The following C16orf86 variants were observed in gnomAD, a reference collection of about 807,000 sequenced individuals.
C16orf86 encodes the protein chromosome 16 open reading frame 86, also known as uncharacterized protein C16orf86.
In C16orf86, 19 loss-of-function variants were observed where a neutral mutation model predicts 21.5. The ratio of observed to expected loss-of-function variants is 0.88; its 90% CI spans 0.62 to 1.30. C16orf86 has a LOEUF of 1.30. Among genes scored for constraint, C16orf86 ranks in the 50% most tolerant of loss-of-function variants. The pLI is 0.00. For synonymous variants in C16orf86, 188 were observed against 183.5 expected, an observed-to-expected ratio of 1.02 and a Z score of -0.20; for missense variants, 391 against 415.8, an observed-to-expected ratio of 0.94 and a Z score of 0.52.
In C16orf86 at chr16:67,667,141, C is replaced by A; in HGVS notation, c.102+69C>A. Reference sequence around the variant, plus strand: ...CTCTGAGAGGTGGAACTGAGCGCCCCGACCCGCTAACTGCCAGGCTGGGCC... The same window carrying A: ...CTCTGAGAGGTGGAACTGAGCGCCCAGACCCGCTAACTGCCAGGCTGGGCC... On this transcript the variant is annotated intron_variant, in intron 1 of 3. Coordinates refer to ENST00000403458, the MANE Select transcript of C16orf86 (RefSeq NM_001012984.3). 6.2e-6 allele frequency: 9 copies of A among 1,441,698 alleles called. No homozygotes were observed. The South Asian group carries it at 9.1e-5, about 15-fold the overall frequency. 89.3% of individuals were successfully genotyped at this position (1,441,698 alleles called of 1,614,324 possible).
rs950771709 is a variant in C16orf86 at position 67,666,898 on chromosome 16, G to A, written c.-73G>A. 9.3e-7 allele frequency: 1 copy of A among 1,076,572 alleles called. No individual in the cohort carries two copies. The highest frequency in any genetic ancestry group is 1.7e-5 in the African/African-American group (1 of 60,148). The allele number at this position is 1,076,572 out of a possible 1,614,324, so 66.7% of individuals were successfully genotyped here. A position where few individuals can be genotyped will look rare whatever the true frequency, so the allele number is the denominator to read the frequency against. On this transcript the variant is annotated 5_prime_UTR_variant, in exon 1 of 4. Transcript: ENST00000403458. ...GCTTGCTGGCCGGTCTCCGGGGTCAGCGCGGGGCCACCATCCAGCCCCTTG... is the reference window on the plus strand; with the variant it reads ...GCTTGCTGGCCGGTCTCCGGGGTCAACGCGGGGCCACCATCCAGCCCCTTG...
chr16:67,667,652 C>A (rs1446715510), intron 2 of C16orf86, 127 bp downstream of exon 2: 2 of 1,542,306 alleles, frequency 1.3e-6, no homozygotes, highest in Non-Finnish European at 1.7e-6. Context: ...CACTCTCCTC[C>A]CGTTCCTCAA....
chr16:67,667,797 TG>T, intron 2 of C16orf86, 80 bp from the exon 3 acceptor site: 1 of 1,518,384 alleles, frequency 6.6e-7, no homozygotes, highest in Non-Finnish European at 8.8e-7. Context: ...CCTGGGGCTG[TG>T]GGCAGGCTGG....
At chr16:67,667,741 C>G (rs1407611182) in intron 2 of C16orf86, 137 bp from the exon 3 acceptor site, 3 of 1,516,600 alleles carry the variant, frequency 2.0e-6, no homozygotes, top group Admixed American at 2.1e-5. Flanking sequence ...CTCTAAGCCT[C>G]TTGGGCCTGG....
chr16:67,668,537 C>A lies in C16orf86; in HGVS notation c.891C>A (p.Ile297=). The A allele has an allele frequency of 6.2e-7, 1 of 1,613,498 alleles. No homozygotes were observed. The highest frequency in any genetic ancestry group is 8.5e-7 in the Non-Finnish European group (1 of 1,179,882). Reference sequence around the variant, plus strand: ...TGGATAAGTCAACCCAGGTGGACATCGACAAGATGCTGAGTGTCTGCACTG... The same window carrying A: ...TGGATAAGTCAACCCAGGTGGACATAGACAAGATGCTGAGTGTCTGCACTG... The part of the protein sequence containing the change: ...AEVDKSTQVD[I]DKMLSVCTAP... The change falls in exon 4 of 4, where the codon ATC becomes ATA. Residue 297 remains isoleucine, a synonymous_variant. Transcript: ENST00000403458.
At chr16:67,667,562 G>T (rs1195738209) in intron 2 of C16orf86, 37 bp downstream of exon 2, 1 of 1,567,144 alleles carries the variant, frequency 6.4e-7, no homozygotes, top group East Asian at 2.4e-5. Flanking sequence ...CTGCAGCCCC[G>T]GGGTTGGGGC....
At position 67,668,728 on chromosome 16, in the gene C16orf86, C is replaced by A; in HGVS notation, c.*128C>A. ...GCCCCCACTTGGGACTTTGGTCTTG[C>A]TGAAAATAAATATTTTTCTTTTTCA... On this transcript the variant is annotated 3_prime_UTR_variant, in exon 4 of 4. Coordinates refer to ENST00000403458, the MANE Select transcript of C16orf86 (RefSeq NM_001012984.3). The A allele has an allele frequency of 1.4e-6, 1 of 713,058 alleles. No homozygotes were observed. Among genetic ancestry groups the A allele is most frequent in the Non-Finnish European group, 2.3e-6 (1 of 427,046 alleles). The allele number at this position is 713,058 out of a possible 1,614,324, so 44.2% of individuals were successfully genotyped here.
In C16orf86 at chr16:67,668,620, G is replaced by A. The variant is rs1457758803; in HGVS notation, c.*20G>A. On this transcript the variant is annotated 3_prime_UTR_variant, in exon 4 of 4. Transcript: ENST00000403458. The stretch of plus-strand genomic sequence containing the variant: ...AAGTGACTGTCCCGCCCCACTGGTG[G>A]CTCCCCTCCTTCCACGCCTGAATTT... 3.1e-6 allele frequency: 5 copies of A among 1,611,016 alleles called. No homozygotes were observed. The highest frequency in any genetic ancestry group is 3.3e-4 in the Middle Eastern group (2 of 6,054).
rs2053118339 is a variant in C16orf86, at chr16:67,667,400, G to C, written c.207G>C (p.Gln69His). The change falls in exon 2 of 4, where the codon CAG (glutamine) becomes CAC (histidine). Residue 69 changes from glutamine to histidine, a missense_variant. Gln to His is a conservative substitution (Grantham distance 24, BLOSUM62 0). Coordinates refer to ENST00000403458, the MANE Select transcript of C16orf86 (RefSeq NM_001012984.3). Reference protein sequence around the residue: ...PAGAASESELQEEGPKLGEER... With the variant: ...PAGAASESELHEEGPKLGEER... ...GCGCAGCTTCGGAGTCGGAGCTCCA[G>C]GAGGAAGGACCCAAGCTGGGGGAGG... 6.2e-7 allele frequency: 1 copy of C among 1,612,630 alleles called. No individual in the cohort carries two copies. Among genetic ancestry groups the C allele is most frequent in the East Asian group, 2.2e-5 (1 of 44,878 alleles).
In C16orf86 at chr16:67,668,344, A is replaced by C. The variant is rs2053133226; in HGVS notation, c.698A>C (p.Gln233Pro). Reference sequence around the variant, plus strand: ...GTTCCCGAGGAGGGAGGTGTGGAGCAACTGCAGGCCTTGCTGCCCTTGGCA... The same window carrying C: ...GTTCCCGAGGAGGGAGGTGTGGAGCCACTGCAGGCCTTGCTGCCCTTGGCA... ...APVPEEGGVE[Q>P]LQALLPLAGE... Residue 233 changes from glutamine to proline, a missense_variant, in exon 4 of 4, where the codon CAA becomes CCA. By Grantham distance (76) the Gln-to-Pro change is moderately conservative (BLOSUM62 -1). Coordinates refer to ENST00000403458, the MANE Select transcript of C16orf86 (RefSeq NM_001012984.3). 1 of 1,612,728 alleles carries C rather than the reference A, an allele frequency of 6.2e-7. No homozygotes were observed.
Position 67,668,487 on chromosome 16 carries a change from G to T in C16orf86, c.841G>T (p.Gly281Trp), listed in dbSNP as rs1306468157. Reference sequence around the variant, plus strand: ...GGAGCCTGGGGGCTTGCCCAGCTTGGGGGTGAGTGACCACAAGGCCGAGGT... The same window carrying T: ...GGAGCCTGGGGGCTTGCCCAGCTTGTGGGTGAGTGACCACAAGGCCGAGGT... ...GEEPGGLPSLGVSDHKAEVDK... is the reference protein window; with the variant it reads ...GEEPGGLPSLWVSDHKAEVDK... The change falls in exon 4 of 4, where the codon GGG becomes TGG. Residue 281 changes from glycine to tryptophan, a missense_variant. Gly to Trp is a radical substitution (Grantham distance 184). Transcript: ENST00000403458. The T allele has an allele frequency of 6.2e-7, 1 of 1,613,198 alleles. No individual in the cohort carries two copies. Among genetic ancestry groups the T allele is most frequent in the Non-Finnish European group, 8.5e-7 (1 of 1,179,822 alleles).
Position 67,668,133 on chromosome 16 carries a change from CT to C in C16orf86, c.553+36del, listed in dbSNP as rs997201804. ...AGTCCCTGGACTGTTCCTTCTCCCC[CT>C]GCCTGTGGGGCCCGACATGGCACAA... is the stretch of plus-strand genomic sequence containing the variant. On this transcript the variant is annotated intron_variant, in intron 3 of 3. Transcript: ENST00000403458. 3 of 1,599,232 alleles carry C rather than the reference CT, an allele frequency of 1.9e-6. No individual in the cohort carries two copies. The African/African-American group carries it at 4.0e-5, about 21-fold the overall frequency.
In C16orf86 at chr16:67,667,322, G is replaced by A. The variant is rs115388552; in HGVS notation, c.129G>A (p.Leu43=). The change falls in exon 2 of 4, where the codon CTG becomes CTA. Residue 43 remains leucine, a synonymous_variant. Transcript: ENST00000403458. ...SECPVAGDQF[L]VPAHEARGTQ... is the part of the protein sequence containing the mutation. ...GTCCAGTGGCGGGAGACCAGTTCCT[G>A]GTGCCTGCCCATGAGGCCCGCGGAA... The A allele has an allele frequency of 4.8e-3, 7,738 of 1,612,130 alleles. 103 individuals are homozygous for A. Among genetic ancestry groups the A allele is most frequent in the African/African-American group, 0.039 (2,892 of 75,042 alleles).
chr16:67,667,640 A>T (rs1354654174), intron 2 of C16orf86, 115 bp downstream of exon 2: 1 of 1,543,960 alleles, frequency 6.5e-7, no homozygotes, highest in Non-Finnish European at 8.7e-7. Context: ...AGCCACTACC[A>T]TCACTCTCCT....
chr16:67,667,069 C>A lies in C16orf86; in HGVS notation c.99C>A (p.Ser33=), dbSNP rs568968127. Reference sequence around the variant, plus strand: ...AGGAGCCCGGCAGCGCTCAGACCTCCGAGGTGACCGTCAGGCTGTTTAACC... The same window carrying A: ...AGGAGCCCGGCAGCGCTCAGACCTCAGAGGTGACCGTCAGGCTGTTTAACC... ...LTEEPGSAQT[S]ECPVAGDQFL... The change falls in exon 1 of 4, where the codon TCC becomes TCA. Residue 33 remains serine (S), a synonymous_variant. Transcript: ENST00000403458. 1.0e-4 allele frequency: 147 copies of A among 1,455,144 alleles called. No homozygotes were observed. Among genetic ancestry groups the A allele is most frequent in the Non-Finnish European group, 1.2e-4 (136 of 1,107,100 alleles). 90.1% of individuals were successfully genotyped at this position (1,455,144 alleles called of 1,614,324 possible).
chr16:67,668,061 C>T lies in C16orf86; in HGVS notation c.516C>T (p.Ser172=). 1.2e-6 allele frequency: 2 copies of T among 1,613,274 alleles called. No homozygotes were observed. Among genetic ancestry groups the T allele is most frequent in the East Asian group, 2.2e-5 (1 of 44,884 alleles). Residue 172 remains serine (S), a synonymous_variant, in exon 3 of 4, where the codon AGC becomes AGT. Transcript: ENST00000403458. Reference sequence around the variant, plus strand: ...CTCCCGTGCTCCACGCTGTGGCCAGCATGGTGTCTGCACCCTTAGAGACAT... The same window carrying T: ...CTCCCGTGCTCCACGCTGTGGCCAGTATGGTGTCTGCACCCTTAGAGACAT... ...LGAPVLHAVA[S]MVSAPLETLR...
At position 67,668,441 on chromosome 16, in the gene C16orf86, C is replaced by A; in HGVS notation, c.795C>A (p.Pro265=). Residue 265 remains proline, a synonymous_variant, in exon 4 of 4, where the codon CCC becomes CCA. Coordinates refer to ENST00000403458, the MANE Select transcript of C16orf86 (RefSeq NM_001012984.3). ...PLVTPTHALA[P]LGEEAGEEPG... is the part of the protein sequence containing the mutation. Reference sequence around the variant, plus strand: ...TGACCCCCACCCATGCCCTGGCTCCCCTCGGAGAGGAGGCTGGAGAGGAGC... The same window carrying A: ...TGACCCCCACCCATGCCCTGGCTCCACTCGGAGAGGAGGCTGGAGAGGAGC... 1.2e-6 allele frequency: 2 copies of A among 1,612,204 alleles called. No individual in the cohort carries two copies. Among genetic ancestry groups the A allele is most frequent in the East Asian group, 2.2e-5 (1 of 44,758 alleles).
intron 2 of C16orf86, 99 bp downstream of exon 2, chr16:67,667,624 G>C (rs992695250): frequency 6.5e-7 from 1 of 1,545,398 alleles, no homozygotes; most frequent in Non-Finnish European, 8.7e-7. Context: ...GAGGATTCTC[G>C]TCCCCAGCCA....
rs1203861314 is a variant in C16orf86, at chr16:67,667,485, A to G, written c.292A>G (p.Ile98Val). 6.2e-7 allele frequency: 1 copy of G among 1,609,070 alleles called. No individual in the cohort carries two copies. The highest frequency in any genetic ancestry group is 1.3e-5 in the African/African-American group (1 of 74,878). The change falls in exon 2 of 4, where the codon ATT becomes GTT. Residue 98 changes from isoleucine to valine, a missense_variant. By Grantham distance (29) the Ile-to-Val change is conservative. Coordinates refer to ENST00000403458, the MANE Select transcript of C16orf86 (RefSeq NM_001012984.3). ...GAGAGGCCCCAGGCCCGTGGTCTCC[A>G]TTGTGAGGCCCCGTCATGGTCCAAA... Reference protein sequence around the residue: ...EERGPRPVVSIVRPRHGPKRK... With the variant: ...EERGPRPVVSVVRPRHGPKRK...
Sources: allele counts gnomAD v4.1 joint callset, GRCh38; gene constraint gnomAD v4.1.1; transcripts MANE v1.5; gene names NCBI Gene and HGNC (gene_info 2026-07-23, HGNC 2026-07-21).